Variants in FAM135B observed in about 807,000 individuals in gnomAD.
FAM135B encodes the protein protein FAM135B.
Under a neutral mutation model 127.7 loss-of-function variants are expected in FAM135B, and 43 were observed. The ratio of observed to expected loss-of-function variants is 0.34; its 90% CI spans 0.26 to 0.43. FAM135B has a LOEUF of 0.43. Ranked by LOEUF, FAM135B falls within the 20% of genes least tolerant of loss-of-function variation. The pLI is 1.00. For missense variants in FAM135B, 1,558 were observed against 1,725.6 expected, an observed-to-expected ratio of 0.90 and a Z score of 1.72; for synonymous variants, 670 against 665.1, an observed-to-expected ratio of 1.01 and a Z score of -0.11.
At chr8:138,304,858 T>C (rs1276262973) in intron 3 of FAM135B, among the ~76,000 whole-genome samples, 1 of 152,180 alleles carries the variant, frequency 6.6e-6, no homozygotes, top group East Asian at 1.9e-4. Context: ...CATTTCTGAG[T>C]TGACTGCTGT....
intron 18 of FAM135B, among the ~76,000 whole-genome samples, chr8:138,137,718 C>T (rs982251109): frequency 6.6e-6 from 1 of 152,174 alleles, no homozygotes; most frequent in Non-Finnish European, 1.5e-5. Context: ...GCCTTCACCA[C>T]GTCCCATGCT....
At chr8:138,439,297 C>T (rs942186373) in intron 1 of FAM135B, 3 of 152,158 alleles carry the variant, frequency 2.0e-5, no homozygotes, top group Admixed American at 2.0e-4. Flanking sequence ...ATGAGAGAAT[C>T]ATAGCACATA....
chr8:138,301,900 C>T lies in FAM135B; in HGVS notation c.157+8941G>A, dbSNP rs116535102. ...AGTTCCGTGCTGTGGAAGACAACATCGCAGCTGGGCATCTCAGGGTTCAGA... is the reference window on the plus strand; with the variant it reads ...AGTTCCGTGCTGTGGAAGACAACATTGCAGCTGGGCATCTCAGGGTTCAGA... On this transcript the variant is annotated intron_variant, in intron 3 of 19. Transcript: ENST00000395297. Among the ~76,000 whole-genome samples, 593 of 152,236 alleles carry T rather than the reference C, an allele frequency of 3.9e-3. 5 individuals are homozygous for T. Among genetic ancestry groups the T allele is most frequent in the African/African-American group, 0.013 (557 of 41,524 alleles).
chr8:138,299,960 GTATTTATTTATT>G (rs900486450), intron 3 of FAM135B, among the ~76,000 whole-genome samples: 14 of 150,164 alleles, frequency 9.3e-5, no homozygotes, highest in South Asian at 4.2e-4. Flanking sequence ...AGTGAGAGTG[GTATTTATTTATT>G]TATTTATTTA....
At chr8:138,197,075 A>G (rs796704255) in intron 8 of FAM135B, among the ~76,000 whole-genome samples, 4 of 132,462 alleles carry the variant, frequency 3.0e-5, no homozygotes, top group Non-Finnish European at 6.5e-5. Flanking sequence ...ATGTATGCAT[A>G]TGTGTGTGTG....
At position 138,130,803 on chromosome 8, in the gene FAM135B, T is replaced by C. The variant is rs2130461689; in HGVS notation, c.*1790A>G. On this transcript the variant is annotated 3_prime_UTR_variant, in exon 20 of 20. Transcript: ENST00000395297. Reference sequence around the variant, plus strand: ...ACTCCTCATGAAGAACCAGAGTCTATGCCCAGCTCTGACTCGGGAGCTCAG... The same window carrying C: ...ACTCCTCATGAAGAACCAGAGTCTACGCCCAGCTCTGACTCGGGAGCTCAG... 6.6e-6 allele frequency: 1 copy of C among 152,338 alleles called. No homozygotes were observed. Among genetic ancestry groups the C allele is most frequent in the Middle Eastern group, 3.4e-3 (1 of 294 alleles). 9.4% of individuals were successfully genotyped at this position (152,338 alleles called of 1,614,324 possible).
In FAM135B at chr8:138,243,134, C is replaced by T. The variant is rs2130389912; in HGVS notation, c.543-66G>A. On this transcript the variant is annotated intron_variant, in intron 6 of 19. Coordinates refer to ENST00000395297, the MANE Select transcript of FAM135B (RefSeq NM_015912.4). This position sits in a 1 kb window ranked among gnomAD's most constrained non-coding sequence, Gnocchi z 7.5. Reference sequence around the variant, plus strand: ...GAAAGTGATGGTGCCATTAACTCAGCCCCTTTGAGGAGTGTTCCTGTGAAG... The same window carrying T: ...GAAAGTGATGGTGCCATTAACTCAGTCCCTTTGAGGAGTGTTCCTGTGAAG... 1.9e-6 allele frequency: 3 copies of T among 1,548,052 alleles called. No homozygotes were observed. Among genetic ancestry groups the T allele is most frequent in the Non-Finnish European group, 2.6e-6 (3 of 1,147,560 alleles).
At chr8:138,381,310 T>C (rs1460551888) in intron 1 of FAM135B, among the ~76,000 whole-genome samples, 2 of 152,158 alleles carry the variant, frequency 1.3e-5, no homozygotes, top group Non-Finnish European at 2.9e-5. Context: ...GTTCAAGCTA[T>C]TATCTCCACT....
At chr8:138,253,136 G>T (rs1174481427) in intron 5 of FAM135B, among the ~76,000 whole-genome samples, 1 of 152,096 alleles carries the variant, frequency 6.6e-6, no homozygotes, top group Non-Finnish European at 1.5e-5. Flanking sequence ...ATCCAGACTT[G>T]GGATTTGTCT....
chr8:138,188,029 G>A (rs185302419), intron 9 of FAM135B, among the ~76,000 whole-genome samples: 1 of 151,836 alleles, frequency 6.6e-6, no homozygotes, highest in Non-Finnish European at 1.5e-5. Context: ...TGGTGTACAG[G>A]TGAGGACACT....
intron 1 of FAM135B, among the ~76,000 whole-genome samples, chr8:138,464,874 G>A (rs1215756070): frequency 2.0e-5 from 3 of 152,172 alleles, no homozygotes; most frequent in Non-Finnish European, 4.4e-5. Flanking sequence ...GTGTCTTTCT[G>A]TACCTTGGCA....
intron 1 of FAM135B, among the ~76,000 whole-genome samples, chr8:138,418,352 C>A (rs145523388): frequency 1.5e-3 from 233 of 152,164 alleles, no homozygotes; most frequent in African/African-American, 5.3e-3. Flanking sequence ...AGGGAGCAAG[C>A]AACTTTGAAA....
At chr8:138,221,051 C>A (rs944760407) in intron 7 of FAM135B, among the ~76,000 whole-genome samples, 1 of 152,120 alleles carries the variant, frequency 6.6e-6, no homozygotes, top group Non-Finnish European at 1.5e-5. Flanking sequence ...GGCCATGATG[C>A]AGAAAGATGA....
chr8:138,234,278 T>C (rs1001578763), intron 7 of FAM135B, among the ~76,000 whole-genome samples: 1 of 152,334 alleles, frequency 6.6e-6, no homozygotes. Context: ...AAATGTAGAA[T>C]AGTGCAGCCA....
chr8:138,483,386 C>T (rs925804407), intron 1 of FAM135B, among the ~76,000 whole-genome samples: 14 of 152,202 alleles, frequency 9.2e-5, no homozygotes, highest in Non-Finnish European at 2.1e-4. Flanking sequence ...CACAGGCTGT[C>T]AGGCCTCCAA....
At chr8:138,168,429 C>T (rs1475552256) in intron 11 of FAM135B, among the ~76,000 whole-genome samples, 3 of 150,684 alleles carry the variant, frequency 2.0e-5, no homozygotes, top group African/African-American at 7.4e-5. Context: ...GTATCTTTTA[C>T]TCTTTTCTTA....
At chr8:138,329,481 T>G (rs2130986078) in intron 2 of FAM135B, among the ~76,000 whole-genome samples, 1 of 152,360 alleles carries the variant, frequency 6.6e-6, no homozygotes, top group Non-Finnish European at 1.5e-5. Context: ...CAATCAAATC[T>G]TTATTTCTGC....
chr8:138,477,043 A>C (rs1814506468), intron 1 of FAM135B, among the ~76,000 whole-genome samples: 1 of 152,216 alleles, frequency 6.6e-6, no homozygotes, highest in Non-Finnish European at 1.5e-5. Flanking sequence ...GAGACTTTTA[A>C]GCCATGTGGA....
At chr8:138,143,756 G>C (rs1366191528) in intron 15 of FAM135B, among the ~76,000 whole-genome samples, 1 of 152,144 alleles carries the variant, frequency 6.6e-6, no homozygotes, top group Non-Finnish European at 1.5e-5. Context: ...AATAGATTTG[G>C]GGCCAATATC....
Sources: gnomAD v4.1 joint callset for allele counts (sites outside exome capture counted in the v4.1 genomes callset) on GRCh38, gnomAD v4.1.1 for gene constraint, Gnocchi (gnomAD v3.1) non-coding constraint, MANE v1.5 for transcripts, NCBI Gene and HGNC (gene_info 2026-07-23, HGNC 2026-07-21) for gene names.